Variants in ATG7 observed in about 807,000 individuals in gnomAD.
ATG7 encodes ubiquitin-like modifier-activating enzyme ATG7.
In ATG7, 70 loss-of-function variants were observed where a neutral mutation model predicts 82.4. The observed-to-expected ratio is 0.85, with a 90% confidence interval of 0.70 to 1.04. ATG7 has a LOEUF of 1.04. ATG7 is among the 50% of genes least tolerant of loss of function. ATG7 has a pLI of 0.00. For synonymous variants in ATG7, 287 were observed against 313.0 expected (o/e 0.92, Z 0.88); for missense variants, 792 against 864.3 (o/e 0.92, Z 1.05).
chr3:11,397,476 A>G lies in ATG7; in HGVS notation c.1956+17424A>G, dbSNP rs1430671696. ...CAGAAATAAATGATTTTTCCCCCCTAAGATGGAGTCTTGCTCTGTCACCCA... is the reference window on the plus strand; with the variant it reads ...CAGAAATAAATGATTTTTCCCCCCTGAGATGGAGTCTTGCTCTGTCACCCA... On this transcript the variant is annotated intron_variant, in intron 19 of 20. Coordinates refer to ENST00000693202, the MANE Select transcript of ATG7 (RefSeq NM_001349232.2). Among the ~76,000 whole-genome samples, 3 of 152,110 alleles carry G rather than the reference A, an allele frequency of 2.0e-5. No homozygotes were observed. In the East Asian group the frequency reaches 5.9e-4, roughly 30 times the overall value.
chr3:11,491,224 A>G (rs1432101702), intron 20 of ATG7, among the ~76,000 whole-genome samples: 2 of 151,852 alleles, frequency 1.3e-5, no homozygotes, highest in African/African-American at 4.8e-5. Context: ...CATTCATTTC[A>G]TCTTCCATCA....
At chr3:11,288,172 A>G (rs571800613) in intron 3 of ATG7, among the ~76,000 whole-genome samples, 9 of 152,338 alleles carry the variant, frequency 5.9e-5, no homozygotes, top group Middle Eastern at 3.4e-3. Flanking sequence ...TACGTGGCAA[A>G]TAATCATCCA....
intron 20 of ATG7, among the ~76,000 whole-genome samples, chr3:11,430,955 G>A (rs562886325): frequency 5.3e-4 from 80 of 152,320 alleles, no homozygotes; most frequent in African/African-American, 1.8e-3. Flanking sequence ...AGCCTAGGGC[G>A]TTCTAGACTG....
chr3:11,468,195 A>G (rs2087032636), intron 20 of ATG7, among the ~76,000 whole-genome samples: 1 of 152,218 alleles, frequency 6.6e-6, no homozygotes, highest in Admixed American at 6.5e-5. Flanking sequence ...CTTGGATTTC[A>G]ATTTGTCTAG....
chr3:11,436,865 A>G (rs1275265704), intron 20 of ATG7, among the ~76,000 whole-genome samples: 3 of 152,242 alleles, frequency 2.0e-5, no homozygotes, highest in Non-Finnish European at 4.4e-5. Flanking sequence ...TTTAAAGTCC[A>G]TATAGTCAAG....
intron 20 of ATG7, among the ~76,000 whole-genome samples, chr3:11,538,200 A>G (rs2070486258): frequency 6.6e-6 from 1 of 152,146 alleles, no homozygotes; most frequent in Non-Finnish European, 1.5e-5. Context: ...ACTGGGAATA[A>G]CCGAGGGCCT....
intron 20 of ATG7, among the ~76,000 whole-genome samples, chr3:11,552,423 C>G (rs2071890754): frequency 6.6e-6 from 1 of 152,178 alleles, no homozygotes; most frequent in African/African-American, 2.4e-5. Flanking sequence ...TGCCCCTTCT[C>G]CACACCAGTT....
chr3:11,493,228 G>A (rs1455872715), intron 20 of ATG7, among the ~76,000 whole-genome samples: 1 of 152,194 alleles, frequency 6.6e-6, no homozygotes, highest in Non-Finnish European at 1.5e-5. Flanking sequence ...AAGTCAATTT[G>A]CCTCTCTGCC....
At chr3:11,437,998 ATACT>A (rs1486115290) in intron 20 of ATG7, among the ~76,000 whole-genome samples, 7 of 152,210 alleles carry the variant, frequency 4.6e-5, no homozygotes, top group Admixed American at 3.9e-4. Context: ...TGGTAATATT[ATACT>A]TAGAGTTTTT....
chr3:11,499,590 AC>A (rs1223961302), intron 20 of ATG7, among the ~76,000 whole-genome samples: 2 of 151,988 alleles, frequency 1.3e-5, no homozygotes, highest in Non-Finnish European at 2.9e-5. Flanking sequence ...TACTAAAAAT[AC>A]AAAAAATTAG....
Position 11,280,359 on chromosome 3 carries a change from C to T in ATG7, c.-365-635C>T, listed in dbSNP as rs12489503. On this transcript the variant is annotated intron_variant, in intron 1 of 20. Transcript: ENST00000693202. ...TAGTTGAATCTTCACACTAATTCTGCACAGTAGGTGGTATCCCCATCTAAC... is the reference window on the plus strand; with the variant it reads ...TAGTTGAATCTTCACACTAATTCTGTACAGTAGGTGGTATCCCCATCTAAC... Among the ~76,000 whole-genome samples, 854 of 152,324 alleles carry T rather than the reference C, an allele frequency of 5.6e-3. 4 individuals are homozygous for T. Among genetic ancestry groups the T allele is most frequent in the African/African-American group, 0.02 (811 of 41,574 alleles).
intron 20 of ATG7, among the ~76,000 whole-genome samples, chr3:11,539,821 C>T (rs114293525): frequency 0.012 from 1,760 of 152,334 alleles, 32 homozygotes; most frequent in African/African-American, 0.04. Context: ...CACAGTTCGG[C>T]GACATCGAGC....
At chr3:11,402,600 T>C (rs2079943971) in intron 19 of ATG7, among the ~76,000 whole-genome samples, 1 of 152,188 alleles carries the variant, frequency 6.6e-6, no homozygotes, top group Non-Finnish European at 1.5e-5. Context: ...ATATCACACA[T>C]GCACCAGCCC....
intron 20 of ATG7, among the ~76,000 whole-genome samples, chr3:11,493,554 CCT>C (rs1350869103): frequency 6.6e-6 from 1 of 152,114 alleles, no homozygotes; most frequent in African/African-American, 2.4e-5. Flanking sequence ...GGGACCTGCC[CCT>C]GTCTGCCTAG....
At chr3:11,470,997 TC>T (rs2087441858) in intron 20 of ATG7, among the ~76,000 whole-genome samples, 1 of 152,122 alleles carries the variant, frequency 6.6e-6, no homozygotes, top group Non-Finnish European at 1.5e-5. Context: ...TGTAGACACT[TC>T]CCTCCTAGCC....
chr3:11,462,894 TTTA>T (rs2086474129), intron 20 of ATG7, among the ~76,000 whole-genome samples: 10 of 146,824 alleles, frequency 6.8e-5, no homozygotes, highest in Admixed American at 1.4e-4. Context: ...TATTTATTTA[TTTA>T]TTTTTGAGAC....
chr3:11,395,754 C>G (rs1221305423), intron 19 of ATG7, among the ~76,000 whole-genome samples: 1 of 151,750 alleles, frequency 6.6e-6, no homozygotes, highest in Non-Finnish European at 1.5e-5. Flanking sequence ...TCCTGGCTAA[C>G]ACGGTGAAAC....
intron 9 of ATG7, 44 bp downstream of exon 9, chr3:11,315,537 A>C: frequency 6.8e-7 from 1 of 1,473,832 alleles, no homozygotes; most frequent in Non-Finnish European, 9.0e-7. Flanking sequence ...AGTTTTTTAA[A>C]AAATCTGAAG....
chr3:11,407,090 A>T (rs2080415991), intron 19 of ATG7, among the ~76,000 whole-genome samples: 1 of 152,232 alleles, frequency 6.6e-6, no homozygotes, highest in African/African-American at 2.4e-5. Context: ...GCCTATATAA[A>T]TCAAAAGCAA....
Sources: allele counts gnomAD v4.1 joint callset (sites outside exome capture counted in the v4.1 genomes callset), GRCh38; gene constraint gnomAD v4.1.1; transcripts MANE v1.5; gene names NCBI Gene and HGNC (gene_info 2026-07-23, HGNC 2026-07-21).